Variants in PAQR5 observed in about 807,000 individuals in gnomAD.
The protein encoded by PAQR5 is progestin and adipoQ receptor family member 5.
PAQR5 carries 20 observed loss-of-function variants against 34.5 expected under a neutral mutation model. The ratio of observed to expected loss-of-function variants is 0.58; its 90% CI spans 0.41 to 0.84. PAQR5 has a LOEUF of 0.84. PAQR5 is among the 40% of genes least tolerant of loss of function. The pLI is 0.00. For synonymous variants in PAQR5, 131 were observed against 155.6 expected (o/e 0.84, Z 1.18); for missense variants, 378 against 412.7 (o/e 0.92, Z 0.73).
intron 4 of PAQR5, among the ~76,000 whole-genome samples, chr15:69,382,690 ATATATATATATATATG>A (rs2055927342): frequency 5.9e-5 from 4 of 68,156 alleles, no homozygotes; most frequent in South Asian, 4.8e-4. Context: ...ATATATATAT[ATATATATATATATATG>A]TATGTATGTA....
intron 7 of PAQR5, 77 bp from the exon 8 acceptor site, chr15:69,399,897 A>G (rs1400500031): frequency 4.8e-6 from 7 of 1,470,284 alleles, no homozygotes; most frequent in Non-Finnish European, 6.5e-6. Flanking sequence ...AAAGTCCCAG[A>G]TGCAGGTGCT....
At chr15:69,334,375 T>C (rs2140688470) in intron 1 of PAQR5, among the ~76,000 whole-genome samples, 1 of 152,342 alleles carries the variant, frequency 6.6e-6, no homozygotes, top group African/African-American at 2.4e-5. Flanking sequence ...TAAAATGTCT[T>C]GAAAATGTAG....
chr15:69,339,583 A>G (rs1004197625), intron 2 of PAQR5, among the ~76,000 whole-genome samples: 3 of 151,300 alleles, frequency 2.0e-5, no homozygotes, highest in Non-Finnish European at 4.4e-5. Context: ...AGCAATTCTC[A>G]TGCCTCAGCT....
At chr15:69,310,065 AAC>A (rs1265397519) in intron 1 of PAQR5, among the ~76,000 whole-genome samples, 3 of 151,910 alleles carry the variant, frequency 2.0e-5, no homozygotes, top group East Asian at 1.9e-4. Flanking sequence ...AAACAAAAAA[AAC>A]AAAACGAAAC....
intron 1 of PAQR5, among the ~76,000 whole-genome samples, chr15:69,325,850 T>C (rs1361661997): frequency 6.6e-6 from 1 of 152,042 alleles, no homozygotes; most frequent in Non-Finnish European, 1.5e-5. Context: ...GAAACTAAGG[T>C]TCTGGGTGAA....
At chr15:69,328,976 C>G in intron 1 of PAQR5, among the ~76,000 whole-genome samples, 1 of 152,256 alleles carries the variant, frequency 6.6e-6, no homozygotes, top group East Asian at 1.9e-4. Context: ...TGAAGTGACA[C>G]TCCATTCACT....
At chr15:69,375,982 A>G (rs2055695153) in intron 3 of PAQR5, among the ~76,000 whole-genome samples, 1 of 152,238 alleles carries the variant, frequency 6.6e-6, no homozygotes, top group Non-Finnish European at 1.5e-5. Flanking sequence ...GGCATTGGCT[A>G]GCAGGTGCAT....
intron 1 of PAQR5, among the ~76,000 whole-genome samples, chr15:69,313,899 G>T (rs1056095387): frequency 3.3e-5 from 5 of 152,160 alleles, no homozygotes; most frequent in Admixed American, 6.5e-5. Context: ...GTCCTGGGGG[G>T]GCTGCAAGCT....
At chr15:69,377,421 T>A (rs539260399) in intron 3 of PAQR5, among the ~76,000 whole-genome samples, 1 of 152,366 alleles carries the variant, frequency 6.6e-6, no homozygotes, top group East Asian at 1.9e-4. Flanking sequence ...TACAGGAATC[T>A]GTCCACCATA....
intron 2 of PAQR5, among the ~76,000 whole-genome samples, chr15:69,358,654 C>G (rs1329545338): frequency 1.2e-3 from 2 of 1,738 alleles, no homozygotes; most frequent in Non-Finnish European, 3.6e-3. Context: ...TTTTTTGAGA[C>G]AGATTCTTGC....
chr15:69,327,156 T>TTTATTA (rs113422954), intron 1 of PAQR5, among the ~76,000 whole-genome samples: 4,977 of 151,502 alleles, frequency 0.033, 200 homozygotes, highest in East Asian at 0.14. Context: ...GGCTAATTTC[T>TTTATTA]TTATTATTAT....
chr15:69,332,617 T>C (rs1307852434), intron 1 of PAQR5, among the ~76,000 whole-genome samples: 2 of 152,120 alleles, frequency 1.3e-5, no homozygotes, highest in South Asian at 2.1e-4. Context: ...GTTTTAGTCT[T>C]GGCTTCTGGA....
In PAQR5 at chr15:69,307,683, G is replaced by A. The variant is rs374097659; in HGVS notation, c.-277+8627G>A. Among the ~76,000 whole-genome samples, 4 of 152,228 alleles carry A rather than the reference G, an allele frequency of 2.6e-5. No individual in the cohort carries two copies. In the South Asian group the frequency reaches 8.3e-4, roughly 32 times the overall value. On this transcript the variant is annotated intron_variant, in intron 1 of 8. Coordinates refer to ENST00000395407, the MANE Select transcript of PAQR5 (RefSeq NM_017705.4). ...GAGTTTTCATCAGGAAGTGAGACAG[G>A]CTGATGGTCATCTTAGAAGGACATA...
chr15:69,310,923 C>T (rs1175853777), intron 1 of PAQR5, among the ~76,000 whole-genome samples: 1 of 150,674 alleles, frequency 6.6e-6, no homozygotes, highest in Non-Finnish European at 1.5e-5. Context: ...CCTGTAGTCC[C>T]AGCTACTCGG....
chr15:69,304,461 AGT>A (rs1228097880), intron 1 of PAQR5, among the ~76,000 whole-genome samples: 1 of 152,194 alleles, frequency 6.6e-6, no homozygotes, highest in Non-Finnish European at 1.5e-5. Flanking sequence ...TCTAGACATC[AGT>A]TTGAAATTAT....
rs558466967 is a variant in PAQR5 at position 69,316,968 on chromosome 15, C to T, written c.-277+17912C>T. ...CCAAGTAGCTGGGATTACAGGCACA[C>T]GCCACTAGGCCTGGGTAATTTTTGT... On this transcript the variant is annotated intron_variant, in intron 1 of 8. Transcript: ENST00000395407. Among the ~76,000 whole-genome samples the T allele has an allele frequency of 2.0e-3, 310 of 152,276 alleles. 1 individual carries two copies. The highest frequency in any genetic ancestry group is 7.0e-3 in the African/African-American group (289 of 41,570).
At chr15:69,306,888 T>C in intron 1 of PAQR5, among the ~76,000 whole-genome samples, 1 of 152,174 alleles carries the variant, frequency 6.6e-6, no homozygotes. Flanking sequence ...CCTTTCCGTC[T>C]TTTTATGAAC....
At chr15:69,377,989 G>A (rs147500815) in intron 3 of PAQR5, among the ~76,000 whole-genome samples, 137 of 152,126 alleles carry the variant, frequency 9.0e-4, no homozygotes, top group Admixed American at 2.7e-3. Flanking sequence ...TAGGCTGGGC[G>A]TGGTAGCTCA....
At chr15:69,397,822 T>C (rs1476005368) in intron 7 of PAQR5, 3 of 541,132 alleles carry the variant, frequency 5.5e-6, no homozygotes, top group East Asian at 6.3e-5. Context: ...TTTTTCTACA[T>C]AGACACAGTA....
Sources: allele counts gnomAD v4.1 joint callset (sites outside exome capture counted in the v4.1 genomes callset), GRCh38; gene constraint gnomAD v4.1.1; transcripts MANE v1.5; gene names NCBI Gene and HGNC (gene_info 2026-07-23, HGNC 2026-07-21).